Variants in DDR2 observed in about 807,000 individuals in gnomAD.
DDR2 encodes the protein discoidin domain receptor tyrosine kinase 2.
Under a neutral mutation model 94.9 loss-of-function variants are expected in DDR2, and 27 were observed. The ratio of observed to expected loss-of-function variants is 0.28; its 90% CI spans 0.21 to 0.39. The LOEUF (loss-of-function observed/expected upper bound fraction) is 0.39, where lower values mean the gene tolerates loss of function less well. DDR2 is among the 10% of genes least tolerant of loss of function. The pLI, the probability that DDR2 is intolerant of heterozygous loss-of-function variation, is 1.00. For missense variants in DDR2, 783 were observed against 1,076.0 expected, an observed-to-expected ratio of 0.73 and a Z score of 3.81; for synonymous variants, 382 against 377.2, an observed-to-expected ratio of 1.01 and a Z score of -0.15.
chr1:162,725,535 C>T (rs905815125), intron 3 of DDR2, among the ~76,000 whole-genome samples: 2 of 152,206 alleles, frequency 1.3e-5, no homozygotes, highest in African/African-American at 4.8e-5. Flanking sequence ...TGCGCCACCA[C>T]ACCCAACTAG....
chr1:162,763,033 C>T (rs182559279), intron 9 of DDR2, among the ~76,000 whole-genome samples: 7 of 151,910 alleles, frequency 4.6e-5, no homozygotes, highest in Non-Finnish European at 7.4e-5. Flanking sequence ...GATAGGGTTT[C>T]GCCATGTTGG....
intron 2 of DDR2, 44 bp from the exon 3 acceptor site, chr1:162,718,993 C>T (rs1661291683): frequency 1.3e-6 from 2 of 1,583,194 alleles, no homozygotes; most frequent in Middle Eastern, 1.7e-4. Context: ...CACTCATTTC[C>T]TCTCCTTCTC....
rs1010986253 is a variant in DDR2 at position 162,658,440 on chromosome 1, G to A, written c.-28+3066G>A. On this transcript the variant is annotated intron_variant, in intron 2 of 17. Coordinates refer to ENST00000367921, the MANE Select transcript of DDR2 (RefSeq NM_006182.4). The stretch of plus-strand genomic sequence containing the variant: ...GCTGTGCCAGGATTATTTTAGAAAG[G>A]CAAGCTCAGGATCAGTGTTCAACTA... 4.6e-5 allele frequency among the ~76,000 whole-genome samples: 7 copies of A among 152,156 alleles called. 1 individual carries two copies. Among genetic ancestry groups the A allele is most frequent in the Non-Finnish European group, 4.4e-5 (3 of 68,038 alleles).
At position 162,765,412 on chromosome 1, in the gene DDR2, A is replaced by G. The variant is rs77249503; in HGVS notation, c.1100-589A>G. On this transcript the variant is annotated intron_variant, in intron 9 of 17. Coordinates refer to ENST00000367921, the MANE Select transcript of DDR2 (RefSeq NM_006182.4). ...CTTGACCCCCTTGATTAGACAAATC[A>G]GAGGGAAAAACTCTGGCAAAGCTGC... Among the ~76,000 whole-genome samples, 935 of 152,318 alleles carry G rather than the reference A, an allele frequency of 6.1e-3. 6 individuals carry two copies. The highest frequency in any genetic ancestry group is 0.019 in the South Asian group (93 of 4,818).
At chr1:162,771,505 A>T (rs1242106636) in intron 12 of DDR2, among the ~76,000 whole-genome samples, 1 of 152,210 alleles carries the variant, frequency 6.6e-6, no homozygotes, top group Non-Finnish European at 1.5e-5. Context: ...GATATAAACT[A>T]ATTTATTTCT....
intron 2 of DDR2, among the ~76,000 whole-genome samples, chr1:162,670,241 G>A (rs941949846): frequency 5.3e-5 from 8 of 152,264 alleles, no homozygotes; most frequent in East Asian, 1.9e-4. Flanking sequence ...CTCCCCAGTA[G>A]CTGGGATTAC....
intron 2 of DDR2, among the ~76,000 whole-genome samples, chr1:162,709,558 T>A (rs978173047): frequency 3.3e-5 from 5 of 152,124 alleles, no homozygotes; most frequent in African/African-American, 1.2e-4. Flanking sequence ...GTTCTATGAT[T>A]TTGAGGGCTG....
chr1:162,686,414 G>C (rs1659693201), intron 2 of DDR2, among the ~76,000 whole-genome samples: 2 of 152,020 alleles, frequency 1.3e-5, no homozygotes, highest in African/African-American at 4.8e-5. Flanking sequence ...CCCACTCCCT[G>C]TGTCCATGTG....
Position 162,783,715 on chromosome 1 carries a change from G to A in DDR2, c.*3469G>A, listed in dbSNP as rs1019083958. On this transcript the variant is annotated 3_prime_UTR_variant, in exon 18 of 18. Coordinates refer to ENST00000367921, the MANE Select transcript of DDR2 (RefSeq NM_006182.4). The stretch of plus-strand genomic sequence containing the variant: ...CAGGTTCAGTGTATGAAATGGAAAG[G>A]AATTTTTCAGAATTTTAAGAAAGGG... 3 of 152,166 alleles carry A rather than the reference G, an allele frequency of 2.0e-5. No homozygotes were observed. The highest frequency in any genetic ancestry group is 7.2e-5 in the African/African-American group (3 of 41,434). The allele number at this position is 152,166 out of a possible 1,614,324, so 9.4% of individuals were successfully genotyped here.
chr1:162,765,444 C>G (rs1017151527), intron 9 of DDR2, among the ~76,000 whole-genome samples: 1 of 152,044 alleles, frequency 6.6e-6, no homozygotes, highest in African/African-American at 2.4e-5. Flanking sequence ...CTGCCAACAT[C>G]AATCTGGCAA....
chr1:162,632,644 G>A lies in DDR2; in HGVS notation c.-192+13G>A, dbSNP rs1201352387. On this transcript the variant is annotated intron_variant, in intron 1 of 17. Transcript: ENST00000367921. ...CCCCTGGATGAAAGTAAGTTATGTGGGTCTTTTTTCTTTATTATTTTTTCT... is the reference window on the plus strand; with the variant it reads ...CCCCTGGATGAAAGTAAGTTATGTGAGTCTTTTTTCTTTATTATTTTTTCT... The A allele has an allele frequency of 6.6e-6, 1 of 152,096 alleles. No homozygotes were observed. Among genetic ancestry groups the A allele is most frequent in the African/African-American group, 2.4e-5 (1 of 41,416 alleles). The allele number at this position is 152,096 out of a possible 1,614,324, so 9.4% of individuals were successfully genotyped here.
intron 2 of DDR2, among the ~76,000 whole-genome samples, chr1:162,701,446 A>T (rs1442427555): frequency 6.6e-6 from 1 of 152,230 alleles, no homozygotes; most frequent in African/African-American, 2.4e-5. Flanking sequence ...GCCATAAACT[A>T]TTGCTAGGTA....
chr1:162,724,739 GTGT>G (rs1661578797), intron 3 of DDR2, among the ~76,000 whole-genome samples: 1 of 152,128 alleles, frequency 6.6e-6, no homozygotes, highest in South Asian at 2.1e-4. Context: ...TGAGGTACTA[GTGT>G]TGTGATGTGT....
At chr1:162,639,909 G>C (rs1189107011) in intron 1 of DDR2, among the ~76,000 whole-genome samples, 1 of 152,120 alleles carries the variant, frequency 6.6e-6, no homozygotes, top group Non-Finnish European at 1.5e-5. Context: ...TGAACACAGA[G>C]GATTTTTAGG....
At chr1:162,709,328 CAG>C (rs1660793294) in intron 2 of DDR2, among the ~76,000 whole-genome samples, 1 of 152,154 alleles carries the variant, frequency 6.6e-6, no homozygotes, top group African/African-American at 2.4e-5. Flanking sequence ...ATGGGTGGCT[CAG>C]AGTTTTAGGA....
chr1:162,696,307 A>T (rs996368196), intron 2 of DDR2, among the ~76,000 whole-genome samples: 1 of 151,206 alleles, frequency 6.6e-6, no homozygotes, highest in Non-Finnish European at 1.5e-5. Context: ...GTGAGTGTGC[A>T]TGCTCTGAGC....
rs964747650 is a variant in DDR2, at chr1:162,780,367, G to T, written c.*121G>T. The T allele has an allele frequency of 6.8e-7, 1 of 1,480,592 alleles. No homozygotes were observed. The highest frequency in any genetic ancestry group is 1.4e-5 in the African/African-American group (1 of 70,746). 91.7% of individuals were successfully genotyped at this position (1,480,592 alleles called of 1,614,324 possible). ...GAAACTGAGAGACAGAGGCTTGTTT[G>T]CTTTGCCCTCTTTTCCTGGTCACCC... On this transcript the variant is annotated 3_prime_UTR_variant, in exon 18 of 18. Transcript: ENST00000367921.
rs150906602 is a variant in DDR2 at position 162,654,833 on chromosome 1, G to T, written c.-191-378G>T. Among the ~76,000 whole-genome samples, 541 of 152,228 alleles carry T rather than the reference G, an allele frequency of 3.6e-3. 1 individual carries two copies. The highest frequency in any genetic ancestry group is 0.012 in the African/African-American group (517 of 41,542). Reference sequence around the variant, plus strand: ...AGATACGATAATCCAACTGTGTCTGGTCAAGCCAAATATTTAAGAGATTTT... The same window carrying T: ...AGATACGATAATCCAACTGTGTCTGTTCAAGCCAAATATTTAAGAGATTTT... On this transcript the variant is annotated intron_variant, in intron 1 of 17. Coordinates refer to ENST00000367921, the MANE Select transcript of DDR2 (RefSeq NM_006182.4).
Position 162,773,594 on chromosome 1 carries a change from C to G in DDR2, c.1854C>G (p.Ala618=). The G allele has an allele frequency of 2.5e-6, 4 of 1,613,904 alleles. No individual in the cohort carries two copies. Among genetic ancestry groups the G allele is most frequent in the Non-Finnish European group, 3.4e-6 (4 of 1,179,852 alleles). The part of the protein sequence containing the change: ...KMLRADANKN[A]RNDFLKEIKI... ...TCCGAGCAGATGCCAACAAGAATGC[C>G]AGGTCTGTGGTCTACATTTTGAATT... The change falls in exon 14 of 18, where the codon GCC becomes GCG. Residue 618 remains alanine (A), a splice_region_variant and synonymous_variant. Transcript: ENST00000367921.
Sources: allele counts gnomAD v4.1 joint callset (sites outside exome capture counted in the v4.1 genomes callset), GRCh38; gene constraint gnomAD v4.1.1; transcripts MANE v1.5; gene names NCBI Gene and HGNC (gene_info 2026-07-23, HGNC 2026-07-21).